PREB: variants seen among roughly 807,000 people sequenced by gnomAD.
The protein encoded by PREB is guanine nucleotide-exchange factor SEC12.
PREB carries 29 observed loss-of-function variants against 46.7 expected under a neutral mutation model. The ratio of observed to expected loss-of-function variants is 0.62; its 90% CI spans 0.46 to 0.85. PREB has a LOEUF of 0.85. Among genes scored for constraint, PREB ranks in the 40% least tolerant of loss-of-function variants. The pLI is 0.00. For synonymous variants in PREB, 224 were observed against 220.1 expected, an observed-to-expected ratio of 1.02 and a Z score of -0.16; for missense variants, 494 against 528.4, an observed-to-expected ratio of 0.93 and a Z score of 0.64.
In PREB at chr2:27,133,704, C is replaced by T. The variant is rs780763317; in HGVS notation, c.153G>A (p.Glu51=). ...AGGCACTCAAGCGCCCATTAATCAG[C>T]TCTAGCTGCAGAAAGTGCTGTGGGA... is the stretch of plus-strand genomic sequence containing the variant. ...IKNGVHFLQL[E]LINGRLSASL... is the part of the protein sequence containing the mutation. Residue 51 remains glutamate, a synonymous_variant, in exon 2 of 9, where the codon GAG becomes GAA. Coordinates refer to ENST00000260643, the MANE Select transcript of PREB (RefSeq NM_013388.6). The T allele has an allele frequency of 2.5e-6, 4 of 1,613,898 alleles. No homozygotes were observed. Among genetic ancestry groups the T allele is most frequent in the African/African-American group, 1.3e-5 (1 of 75,050 alleles).
chr2:27,131,922 TAG>T, intron 7 of PREB, 86 bp downstream of exon 7: 1 of 1,592,258 alleles, frequency 6.3e-7, no homozygotes, highest in Non-Finnish European at 8.6e-7. Context: ...TTTCCCTCGA[TAG>T]GATGGGCCAG....
chr2:27,130,824 T>C lies in PREB; in HGVS notation c.*590A>G. The stretch of plus-strand genomic sequence containing the variant: ...CTTTTCCTGCCTAATGGGCTGAGGT[T>C]CATTTTCCCATTCCTCAAGGTAAGG... On this transcript the variant is annotated 3_prime_UTR_variant, in exon 9 of 9. Transcript: ENST00000260643. The C allele has an allele frequency of 6.7e-7, 1 of 1,484,638 alleles. No individual in the cohort carries two copies. Among genetic ancestry groups the C allele is most frequent in the Non-Finnish European group, 9.3e-7 (1 of 1,076,282 alleles). 92.0% of individuals were successfully genotyped at this position (1,484,638 alleles called of 1,614,324 possible).
In PREB at chr2:27,131,894, T is replaced by A. The variant is rs1011423352; in HGVS notation, c.1000-63A>T. ...CTGGGAACTCTCTTTCTGGAAAGCA[T>A]GTTCCCCACCCCCAGGATTTCCCTC... On this transcript the variant is annotated intron_variant, in intron 7 of 8. Transcript: ENST00000260643. 8 of 1,596,978 alleles carry A rather than the reference T, an allele frequency of 5.0e-6. No individual in the cohort carries two copies. In the Admixed American group the frequency reaches 8.4e-5, roughly 17 times the overall value.
Position 27,134,450 on chromosome 2 carries a change from C to G in PREB, c.-29G>C. On this transcript the variant is annotated 5_prime_UTR_variant, in exon 1 of 9. Coordinates refer to ENST00000260643, the MANE Select transcript of PREB (RefSeq NM_013388.6). ...GCCCGGCGCGCGTTCACTGCCCGCA[C>G]CGCGGCACCCAGGACATGCCGCGCC... is the stretch of plus-strand genomic sequence containing the variant. The G allele has an allele frequency of 1.3e-6, 2 of 1,513,954 alleles. No homozygotes were observed. The highest frequency in any genetic ancestry group is 8.8e-7 in the Non-Finnish European group (1 of 1,138,728). The allele number at this position is 1,513,954 out of a possible 1,614,324, so 93.8% of individuals were successfully genotyped here.
rs1672428343 is a variant in PREB at position 27,134,601 on chromosome 2, T to C, written c.-180A>G. 1 of 1,337,586 alleles carries C rather than the reference T, an allele frequency of 7.5e-7. No individual in the cohort carries two copies. Among genetic ancestry groups the C allele is most frequent in the Non-Finnish European group, 9.5e-7 (1 of 1,049,856 alleles). The allele number at this position is 1,337,586 out of a possible 1,614,324, so 82.9% of individuals were successfully genotyped here. On this transcript the variant is annotated 5_prime_UTR_variant, in exon 1 of 9. Transcript: ENST00000260643. Reference sequence around the variant, plus strand: ...CATCAGCAGGAAGCCGAGCCTCAGCTCGGCTCCGTCCAAGTCGGTCTCGCA... The same window carrying C: ...CATCAGCAGGAAGCCGAGCCTCAGCCCGGCTCCGTCCAAGTCGGTCTCGCA...
At position 27,132,780 on chromosome 2, in the gene PREB, G is replaced by A; in HGVS notation, c.628-53C>T. ...GGACAGTTAGGGGATCCACTTACTG[G>A]GCAAGCAGCATAAGCACCTCCTCTC... On this transcript the variant is annotated intron_variant, in intron 4 of 8. Coordinates refer to ENST00000260643, the MANE Select transcript of PREB (RefSeq NM_013388.6). The surrounding 1 kb of genome is among the most constrained non-coding windows in gnomAD (Gnocchi z 4.0). 1.2e-6 allele frequency: 2 copies of A among 1,613,366 alleles called. No homozygotes were observed. The highest frequency in any genetic ancestry group is 2.2e-5 in the South Asian group (2 of 91,062).
chr2:27,132,525 T>A lies in PREB; in HGVS notation c.752+78A>T, dbSNP rs1044727643. On this transcript the variant is annotated intron_variant, in intron 5 of 8. Transcript: ENST00000260643. This position sits in a 1 kb window ranked among gnomAD's most constrained non-coding sequence, Gnocchi z 4.0. ...CACTCAACAAGTTCCTCCCCAGCTC[T>A]CCCATCCCCAGTCTTTTCCCTCTCC... 1 of 1,602,462 alleles carries A rather than the reference T, an allele frequency of 6.2e-7. No homozygotes were observed.
Position 27,132,305 on chromosome 2 carries a change from G to A in PREB, c.851C>T (p.Ala284Val), listed in dbSNP as rs1343004030. 1 of 1,614,166 alleles carries A rather than the reference G, an allele frequency of 6.2e-7. No individual in the cohort carries two copies. The highest frequency in any genetic ancestry group is 1.1e-5 in the South Asian group (1 of 91,088). ...LRQPPPCYLT[A>V]WDGSNFLPLR... ...GGGCAAGAAGTTGGAGCCATCCCAGGCTGTGAGGTAGCAGGGAGGGGGCTG... is the reference window on the plus strand; with the variant it reads ...GGGCAAGAAGTTGGAGCCATCCCAGACTGTGAGGTAGCAGGGAGGGGGCTG... The change falls in exon 6 of 9, where the codon GCC (alanine) becomes GTC (valine). Residue 284 changes from alanine (A) to valine (V), a missense_variant. Coordinates refer to ENST00000260643, the MANE Select transcript of PREB (RefSeq NM_013388.6). The surrounding 1 kb of genome is among the most constrained non-coding windows in gnomAD (Gnocchi z 4.0).
At chr2:27,133,449 C>G (rs1007684615) in intron 2 of PREB, 83 bp downstream of exon 2, 3 of 1,593,752 alleles carry the variant, frequency 1.9e-6, no homozygotes, top group Middle Eastern at 1.7e-4. Flanking sequence ...AACCCTACTT[C>G]CAGACCCACT....
In PREB at chr2:27,132,148, C is replaced by T. The variant is rs1276883139; in HGVS notation, c.927-66G>A. On this transcript the variant is annotated intron_variant, in intron 6 of 8. Transcript: ENST00000260643. The surrounding 1 kb of genome is among the most constrained non-coding windows in gnomAD (Gnocchi z 4.0). ...TGCAGCAACCCTCATACCCCAATAC[C>T]GGTCCGTAGGGACCCAGGCAGGACT... The T allele has an allele frequency of 9.3e-6, 15 of 1,607,902 alleles. No individual in the cohort carries two copies. The highest frequency in any genetic ancestry group is 1.7e-5 in the Admixed American group (1 of 59,988).
At position 27,133,466 on chromosome 2, in the gene PREB, G is replaced by A. The variant is rs553326501; in HGVS notation, c.325+66C>T. ...CCCTACTTCCAGACCCACTTCTTTAGAGACACCAAGAGTGACCTTACTCGT... is the reference window on the plus strand; with the variant it reads ...CCCTACTTCCAGACCCACTTCTTTAAAGACACCAAGAGTGACCTTACTCGT... On this transcript the variant is annotated intron_variant, in intron 2 of 8. Coordinates refer to ENST00000260643, the MANE Select transcript of PREB (RefSeq NM_013388.6). 8 of 1,592,568 alleles carry A rather than the reference G, an allele frequency of 5.0e-6. No individual in the cohort carries two copies. The African/African-American group carries it at 6.7e-5, about 13-fold the overall frequency.
rs1324087258 is a variant in PREB at position 27,131,011 on chromosome 2, A to T, written c.*403T>A. On this transcript the variant is annotated 3_prime_UTR_variant, in exon 9 of 9. Transcript: ENST00000260643. ...AGCAAATGCCAGGGGCTTCATGTGA[A>T]GAGGAACTGGCCACAAGGCTGAGGG... is the stretch of plus-strand genomic sequence containing the variant. 6 of 552,082 alleles carry T rather than the reference A, an allele frequency of 1.1e-5. No individual in the cohort carries two copies. In the East Asian group the frequency reaches 1.9e-4, roughly 17 times the overall value. The allele number at this position is 552,082 out of a possible 1,614,324, so 34.2% of individuals were successfully genotyped here. A position where few individuals can be genotyped will look rare whatever the true frequency, so the allele number is the denominator to read the frequency against.
chr2:27,130,864 A>T lies in PREB; in HGVS notation c.*550T>A. 1 of 1,166,024 alleles carries T rather than the reference A, an allele frequency of 8.6e-7. No individual in the cohort carries two copies. The highest frequency in any genetic ancestry group is 2.5e-5 in the East Asian group (1 of 39,424). 72.2% of individuals were successfully genotyped at this position (1,166,024 alleles called of 1,614,324 possible). ...TCAAGGTAAGGGTAGACTACCTAGG[A>T]ACTTATTGCATCTTTAGGCCAGCTG... On this transcript the variant is annotated 3_prime_UTR_variant, in exon 9 of 9. Coordinates refer to ENST00000260643, the MANE Select transcript of PREB (RefSeq NM_013388.6).
rs2148421333 is a variant in PREB at position 27,134,281 on chromosome 2, T to A, written c.135+6A>T. On this transcript the variant is annotated splice_donor_region_variant and intron_variant, in intron 1 of 8. Coordinates refer to ENST00000260643, the MANE Select transcript of PREB (RefSeq NM_013388.6). ...AGACCCAGCCCCAGTGGCCCTGCGC[T>A]CTCACCACGCCATTCTTTATGCCTG... 1 of 1,599,678 alleles carries A rather than the reference T, an allele frequency of 6.3e-7. No homozygotes were observed. The highest frequency in any genetic ancestry group is 1.7e-5 in the Admixed American group (1 of 57,730).
In PREB at chr2:27,132,658, A is replaced by G. The variant is rs554049254; in HGVS notation, c.697T>C (p.Trp233Arg). The change falls in exon 5 of 9, where the codon TGG (tryptophan) becomes CGG (arginine). Residue 233 changes from tryptophan (W) to arginine (R), a missense_variant. Physicochemically the swap from Trp to Arg is moderately radical, Grantham distance 101. Coordinates refer to ENST00000260643, the MANE Select transcript of PREB (RefSeq NM_013388.6). The surrounding 1 kb of genome is among the most constrained non-coding windows in gnomAD (Gnocchi z 4.0). ...QKDQLVTQLHWQENGPTFSST... is the reference protein window; with the variant it reads ...QKDQLVTQLHRQENGPTFSST... The stretch of plus-strand genomic sequence containing the variant: ...GAAAAGGTGGGTCCATTTTCTTGCC[A>G]GTGCAGCTGTGTCACCAGCTGATCC... 32 of 1,613,974 alleles carry G rather than the reference A, an allele frequency of 2.0e-5. No individual in the cohort carries two copies. In the Admixed American group the frequency reaches 5.3e-4, roughly 27 times the overall value.
At position 27,133,253 on chromosome 2, in the gene PREB, A is replaced by G. The variant is rs1672359465; in HGVS notation, c.410T>C (p.Leu137Pro). 1 of 1,614,176 alleles carries G rather than the reference A, an allele frequency of 6.2e-7. No homozygotes were observed. The highest frequency in any genetic ancestry group is 8.5e-7 in the Non-Finnish European group (1 of 1,180,034). Residue 137 changes from leucine (L) to proline (P), a missense_variant, in exon 3 of 9, where the codon CTA (leucine) becomes CCA (proline). Transcript: ENST00000260643. ...CTGCAAATTCTCTACCCTGAGTTCTAGCCCCTCGTGCTGGGTTTCCGCTCC... is the reference window on the plus strand; with the variant it reads ...CTGCAAATTCTCTACCCTGAGTTCTGGCCCCTCGTGCTGGGTTTCCGCTCC... Reference protein sequence around the residue: ...KCGAETQHEGLELRVENLQAV... With the variant: ...KCGAETQHEGPELRVENLQAV...
Position 27,131,359 on chromosome 2 carries a change from A to G in PREB, c.*55T>C. ...GTGAGCAAAGGGAGTCCAGGCCTCCACTCTGCTCTAGAGATGGCAGTGTCC... is the reference window on the plus strand; with the variant it reads ...GTGAGCAAAGGGAGTCCAGGCCTCCGCTCTGCTCTAGAGATGGCAGTGTCC... On this transcript the variant is annotated 3_prime_UTR_variant, in exon 9 of 9. Coordinates refer to ENST00000260643, the MANE Select transcript of PREB (RefSeq NM_013388.6). 6.9e-7 allele frequency: 1 copy of G among 1,454,020 alleles called. No individual in the cohort carries two copies. The highest frequency in any genetic ancestry group is 9.4e-7 in the Non-Finnish European group (1 of 1,058,246). The allele number at this position is 1,454,020 out of a possible 1,614,324, so 90.1% of individuals were successfully genotyped here. A position where few individuals can be genotyped will look rare whatever the true frequency, so the allele number is the denominator to read the frequency against.
rs771518970 is a variant in PREB, at chr2:27,133,260, C to T, written c.403G>A (p.Glu135Lys). The change falls in exon 3 of 9, where the codon GAG becomes AAG. Residue 135 changes from glutamate to lysine, a missense_variant. Coordinates refer to ENST00000260643, the MANE Select transcript of PREB (RefSeq NM_013388.6). ...EKKCGAETQH[E>K]GLELRVENLQ... ...TTCTCTACCCTGAGTTCTAGCCCCT[C>T]GTGCTGGGTTTCCGCTCCACATTTC... is the stretch of plus-strand genomic sequence containing the variant. The T allele has an allele frequency of 5.6e-6, 9 of 1,614,228 alleles. No individual in the cohort carries two copies. The highest frequency in any genetic ancestry group is 1.1e-5 in the South Asian group (1 of 91,088).
Position 27,134,471 on chromosome 2 carries a change from G to T in PREB, c.-50C>A. The T allele has an allele frequency of 7.0e-7, 1 of 1,435,690 alleles. No individual in the cohort carries two copies. Among genetic ancestry groups the T allele is most frequent in the Non-Finnish European group, 9.1e-7 (1 of 1,104,772 alleles). 88.9% of individuals were successfully genotyped at this position (1,435,690 alleles called of 1,614,324 possible). The stretch of plus-strand genomic sequence containing the variant: ...CGCACCGCGGCACCCAGGACATGCC[G>T]CGCCGGGCCTTCGACTACTGCCCCG... On this transcript the variant is annotated 5_prime_UTR_variant, in exon 1 of 9. Transcript: ENST00000260643.
Sources: allele counts gnomAD v4.1 joint callset, GRCh38; gene constraint gnomAD v4.1.1; non-coding constraint Gnocchi (gnomAD v3.1); transcripts MANE v1.5; gene names NCBI Gene and HGNC (gene_info 2026-07-23, HGNC 2026-07-21).